The following DEPDC4 variants were observed in gnomAD, a reference collection of about 807,000 sequenced individuals.
The protein encoded by DEPDC4 is DEP domain-containing protein 4.
Under a neutral mutation model 52.0 loss-of-function variants are expected in DEPDC4, and 52 were observed. That is an observed-to-expected ratio of 1.00 (90% confidence interval 0.80 to 1.26). The LOEUF (loss-of-function observed/expected upper bound fraction) is 1.26, where lower values mean the gene tolerates loss of function less well. Among genes scored for constraint, DEPDC4 ranks in the 50% most tolerant of loss-of-function variants. DEPDC4 has a pLI of 0.00. For synonymous variants in DEPDC4, 201 were observed against 196.8 expected (o/e 1.02, Z -0.18); for missense variants, 530 against 546.9 (o/e 0.97, Z 0.31).
At position 100,252,525 on chromosome 12, in the gene DEPDC4, T is replaced by G. The variant is rs1210552010; in HGVS notation, c.1117A>C (p.Arg373=). ...GIIELLENEK[R]AEALEATQLY... ...TGTGTTGCTTCAAGTGCTTCTGCTC[T>G]TTTCTCATTTTCTGTTATATAGGTT... The change falls in exon 6 of 10, where the codon AGA becomes CGA. Residue 373 remains arginine, a synonymous_variant. Transcript: ENST00000550587. 6.3e-7 allele frequency: 1 copy of G among 1,598,606 alleles called. No individual in the cohort carries two copies. Among genetic ancestry groups the G allele is most frequent in the Non-Finnish European group, 8.5e-7 (1 of 1,175,744 alleles).
downstream of DEPDC4, chr12:100,238,120 T>TA (rs1350607400): frequency 0.028 from 21,891 of 784,146 alleles, 183 homozygotes; most frequent in African/African-American, 0.095. Context: ...CTCCCCAACT[T>TA]AAAAAAAAAA....
At chr12:100,238,015 T>C, downstream of DEPDC4, 5 of 965,264 alleles carry the variant, frequency 5.2e-6, no homozygotes, top group South Asian at 2.4e-4. Flanking sequence ...ATAAGGAGAC[T>C]TCTATCGAAG....
intron 9 of DEPDC4, among the ~76,000 whole-genome samples, chr12:100,234,785 A>G (rs1314413705): frequency 6.6e-6 from 1 of 152,194 alleles, no homozygotes; most frequent in Non-Finnish European, 1.5e-5. Flanking sequence ...ACAGAGAAAA[A>G]AATGCTTTAC....
At chr12:100,278,157 T>C in the DEPDC4 span, among the ~76,000 whole-genome samples, 1 of 152,214 alleles carries the variant, frequency 6.6e-6, no homozygotes, top group African/African-American at 2.4e-5. Context: ...CATCATTTTT[T>C]ATTTTTATTA....
intron 8 of DEPDC4, among the ~76,000 whole-genome samples, chr12:100,245,751 C>T (rs1248445159): frequency 6.6e-6 from 1 of 152,112 alleles, no homozygotes; most frequent in Non-Finnish European, 1.5e-5. Flanking sequence ...CAGGTCAATC[C>T]ATTCTCTACA....
chr12:100,234,381 A>G (rs1316845245), intron 9 of DEPDC4, among the ~76,000 whole-genome samples: 1 of 152,146 alleles, frequency 6.6e-6, no homozygotes, highest in African/African-American at 2.4e-5. Flanking sequence ...GGTAAGGGAG[A>G]TTCTGGCTGA....
At chr12:100,237,366 C>T (rs369202671), downstream of DEPDC4, among the ~76,000 whole-genome samples, 1 of 152,032 alleles carries the variant, frequency 6.6e-6, no homozygotes, top group African/African-American at 2.4e-5. Context: ...TGCCACCACA[C>T]CCAGCTAATT....
At chr12:100,245,414 C>T (rs2096180897) in intron 8 of DEPDC4, among the ~76,000 whole-genome samples, 1 of 151,992 alleles carries the variant, frequency 6.6e-6, no homozygotes, top group African/African-American at 2.4e-5. Context: ...TTACAGGCAC[C>T]CACCACCATG....
intron 7 of DEPDC4, 43 bp downstream of exon 7, chr12:100,252,133 G>T: frequency 8.9e-7 from 1 of 1,121,708 alleles, no homozygotes. Context: ...CTTGACACAA[G>T]TAGCTTAGTA....
chr12:100,267,742 G>A (rs2096280492), upstream of DEPDC4: 2 of 152,412 alleles, frequency 1.3e-5, no homozygotes, highest in Admixed American at 1.3e-4. Context: ...GGGTTTCGGT[G>A]GTGGAGAACG....
At chr12:100,244,812 A>C (rs2096178320) in intron 8 of DEPDC4, among the ~76,000 whole-genome samples, 1 of 143,554 alleles carries the variant, frequency 7.0e-6, no homozygotes. Flanking sequence ...CAAATTGTAC[A>C]TCTAGTTGCC....
chr12:100,253,019 C>G (rs2096215038), intron 5 of DEPDC4, among the ~76,000 whole-genome samples: 1 of 152,230 alleles, frequency 6.6e-6, no homozygotes, highest in Admixed American at 6.5e-5. Flanking sequence ...CGAGTCCACA[C>G]CATTCTCCTG....
chr12:100,268,383 T>C (rs1424571001), upstream of DEPDC4, among the ~76,000 whole-genome samples: 2 of 152,222 alleles, frequency 1.3e-5, no homozygotes, highest in African/African-American at 4.8e-5. Context: ...GAAGATTCCT[T>C]TTGGACTTTG....
At chr12:100,235,458 G>A (rs778963766), downstream of DEPDC4, among the ~76,000 whole-genome samples, 8 of 150,734 alleles carry the variant, frequency 5.3e-5, no homozygotes, top group Non-Finnish European at 8.8e-5. Flanking sequence ...GGTGATTTGT[G>A]AGATTTTGGG....
At chr12:100,257,363 C>T (rs1440285939) in intron 3 of DEPDC4, among the ~76,000 whole-genome samples, 9 of 151,852 alleles carry the variant, frequency 5.9e-5, no homozygotes, top group Middle Eastern at 3.4e-3. Context: ...CAGGCGTGAG[C>T]CACTGTGCCC....
intron 8 of DEPDC4, among the ~76,000 whole-genome samples, chr12:100,243,796 A>G (rs1414475226): frequency 6.6e-6 from 1 of 151,228 alleles, no homozygotes; most frequent in Non-Finnish European, 1.5e-5. Context: ...TACCCATTCT[A>G]TCCTTCTCTT....
At chr12:100,265,268 A>G (rs2096267434) in intron 1 of DEPDC4, among the ~76,000 whole-genome samples, 1 of 151,708 alleles carries the variant, frequency 6.6e-6, no homozygotes, top group South Asian at 2.1e-4. Context: ...CACTCCAGTC[A>G]GGGCAACAGA....
intron 3 of DEPDC4, among the ~76,000 whole-genome samples, chr12:100,259,081 A>AAATATAT (rs543577636): frequency 3.4e-5 from 5 of 149,092 alleles, no homozygotes; most frequent in African/African-American, 1.3e-4. Context: ...AAAAAAAAAA[A>AAATATAT]ATATATATAT....
rs552668396 is a variant in DEPDC4, at chr12:100,249,061, T to C, written c.1375-83A>G. 1.6e-5 allele frequency: 8 copies of C among 507,874 alleles called. No homozygotes were observed. In the East Asian group the frequency reaches 1.2e-3, roughly 75 times the overall value. 31.5% of individuals were successfully genotyped at this position (507,874 alleles called of 1,614,324 possible). A position where few individuals can be genotyped will look rare whatever the true frequency, so the allele number is the denominator to read the frequency against. ...CAACATAGAAAGAAAAACATCTCAATATTTTTGACCAATGAGTAGAGGGAG... is the reference window on the plus strand; with the variant it reads ...CAACATAGAAAGAAAAACATCTCAACATTTTTGACCAATGAGTAGAGGGAG... On this transcript the variant is annotated intron_variant, in intron 7 of 9. Transcript: ENST00000550587.
Sources: gnomAD v4.1 joint callset for allele counts (sites outside exome capture counted in the v4.1 genomes callset) on GRCh38, gnomAD v4.1.1 for gene constraint, MANE v1.5 for transcripts, NCBI Gene and HGNC (gene_info 2026-07-23, HGNC 2026-07-21) for gene names.